The following PLXNC1 variants were observed in gnomAD, a reference collection of about 807,000 sequenced individuals.
PLXNC1 encodes the protein plexin-C1.
PLXNC1 carries 75 observed loss-of-function variants against 178.2 expected under a neutral mutation model. The observed-to-expected ratio is 0.42, with a 90% CI of 0.35 to 0.51. The LOEUF (loss-of-function observed/expected upper bound fraction) is 0.51. PLXNC1 is among the 20% of genes least tolerant of loss of function. PLXNC1 has a pLI of 0.02. For missense variants in PLXNC1, 1,503 were observed against 1,984.4 expected, an observed-to-expected ratio of 0.76 and a Z score of 4.61; for synonymous variants, 790 against 779.9, an observed-to-expected ratio of 1.01 and a Z score of -0.22.
At chr12:94,164,861 G>T (rs1302035770) in intron 1 of PLXNC1, among the ~76,000 whole-genome samples, 1 of 152,184 alleles carries the variant, frequency 6.6e-6, no homozygotes, top group Non-Finnish European at 1.5e-5. Context: ...GCCGGCAAAC[G>T]TGTAGGCGTG....
intron 1 of PLXNC1, among the ~76,000 whole-genome samples, chr12:94,154,428 T>A (rs1481425564): frequency 6.6e-6 from 1 of 152,232 alleles, no homozygotes; most frequent in African/African-American, 2.4e-5. Flanking sequence ...CGGCATTTTC[T>A]ATGGGTCAAG....
chr12:94,187,787 T>G (rs1962573875), intron 4 of PLXNC1, among the ~76,000 whole-genome samples: 1 of 152,172 alleles, frequency 6.6e-6, no homozygotes, highest in South Asian at 2.1e-4. Flanking sequence ...ATTAACAAGC[T>G]CAGCTCTGGA....
intron 9 of PLXNC1, among the ~76,000 whole-genome samples, chr12:94,234,375 A>G (rs1964187195): frequency 6.6e-6 from 1 of 152,202 alleles, no homozygotes; most frequent in Non-Finnish European, 1.5e-5. Context: ...CCAATATCCT[A>G]TAATGACTTA....
At chr12:94,233,879 T>A (rs1019428960) in intron 9 of PLXNC1, among the ~76,000 whole-genome samples, 3 of 152,178 alleles carry the variant, frequency 2.0e-5, no homozygotes, top group African/African-American at 7.2e-5. Flanking sequence ...TTCTATCCTC[T>A]TCTCAGTCAT....
intron 9 of PLXNC1, among the ~76,000 whole-genome samples, chr12:94,233,819 C>T (rs796349013): frequency 2.0e-4 from 31 of 152,154 alleles, no homozygotes; most frequent in African/African-American, 7.5e-4. Flanking sequence ...TTCCCATTTC[C>T]ACGGCTGGTT....
At chr12:94,157,685 G>T (rs1269716415) in intron 1 of PLXNC1, among the ~76,000 whole-genome samples, 2 of 152,170 alleles carry the variant, frequency 1.3e-5, no homozygotes, top group African/African-American at 4.8e-5. Flanking sequence ...TTACTAGGGG[G>T]ATGTGGCCCT....
At chr12:94,232,328 A>T (rs1395164149) in intron 9 of PLXNC1, among the ~76,000 whole-genome samples, 1 of 152,174 alleles carries the variant, frequency 6.6e-6, no homozygotes, top group Non-Finnish European at 1.5e-5. Flanking sequence ...ACCTCAAGTG[A>T]TCTGCCTGCT....
chr12:94,263,484 C>G (rs529311879), intron 20 of PLXNC1, among the ~76,000 whole-genome samples: 1 of 152,214 alleles, frequency 6.6e-6, no homozygotes, highest in South Asian at 2.1e-4. Flanking sequence ...ACACAGCCCC[C>G]GAGAGCCCAC....
intron 2 of PLXNC1, among the ~76,000 whole-genome samples, chr12:94,179,619 T>C (rs1471993562): frequency 6.6e-6 from 1 of 151,720 alleles, no homozygotes; most frequent in Non-Finnish European, 1.5e-5. Flanking sequence ...CGCATGTCTG[T>C]AGTCCCAGCT....
intron 1 of PLXNC1, among the ~76,000 whole-genome samples, chr12:94,160,166 A>G (rs1961325372): frequency 6.6e-6 from 1 of 152,220 alleles, no homozygotes; most frequent in African/African-American, 2.4e-5. Flanking sequence ...TGTTTGGGCT[A>G]TATGTGCACT....
intron 9 of PLXNC1, among the ~76,000 whole-genome samples, chr12:94,233,912 T>C (rs1160024588): frequency 6.6e-6 from 1 of 152,172 alleles, no homozygotes; most frequent in Non-Finnish European, 1.5e-5. Context: ...TAAATAATCC[T>C]GAACCGAATA....
chr12:94,298,876 G>A (rs1968191245), intron 27 of PLXNC1, 81 bp downstream of exon 27: 1 of 1,339,110 alleles, frequency 7.5e-7, no homozygotes, highest in South Asian at 1.3e-5. Context: ...GATAGTTATA[G>A]AAGGATTCAT....
At chr12:94,305,127 G>T in intron 30 of PLXNC1, 54 bp from the exon 31 acceptor site, 1 of 1,163,658 alleles carries the variant, frequency 8.6e-7, no homozygotes, top group South Asian at 1.3e-5. Context: ...GCAAAAAACA[G>T]AATTGTAACG....
chr12:94,169,862 C>T (rs3843642), intron 2 of PLXNC1, among the ~76,000 whole-genome samples: 125,650 of 152,150 alleles, frequency 0.83, 52,156 homozygotes, highest in East Asian at 0.95. Flanking sequence ...AGGACTATTT[C>T]TTCTCCACTG....
intron 9 of PLXNC1, among the ~76,000 whole-genome samples, chr12:94,233,683 A>G (rs1043184353): frequency 2.6e-5 from 4 of 152,156 alleles, no homozygotes; most frequent in Non-Finnish European, 4.4e-5. Context: ...GCCCCCGTGA[A>G]AAGGCATTTG....
Position 94,260,076 on chromosome 12 carries a change from G to A in PLXNC1, c.3251+342G>A, listed in dbSNP as rs559162230. The stretch of plus-strand genomic sequence containing the variant: ...ACCCCAACACAATTTTTTTGTTGTT[G>A]TTGTTGGAGTCTCACTCTGTGGCCC... On this transcript the variant is annotated intron_variant, in intron 19 of 30. Coordinates refer to ENST00000258526, the MANE Select transcript of PLXNC1 (RefSeq NM_005761.3). This position sits in a 1 kb window ranked among gnomAD's most constrained non-coding sequence, Gnocchi z 4.4. 6.6e-6 allele frequency among the ~76,000 whole-genome samples: 1 copy of A among 152,152 alleles called. No homozygotes were observed. The highest frequency in any genetic ancestry group is 1.9e-4 in the East Asian group (1 of 5,182).
chr12:94,258,084 G>A (rs1964904066), intron 17 of PLXNC1, among the ~76,000 whole-genome samples: 1 of 151,314 alleles, frequency 6.6e-6, no homozygotes, highest in Non-Finnish European at 1.5e-5. Context: ...CCGAGATCGC[G>A]CCACTGCACT....
intron 15 of PLXNC1, among the ~76,000 whole-genome samples, chr12:94,253,104 AG>A (rs1964742060): frequency 6.8e-6 from 1 of 147,858 alleles, no homozygotes; most frequent in Admixed American, 6.9e-5. Flanking sequence ...CCAGCTACTC[AG>A]GAGGCTGAGG....
At chr12:94,192,322 T>A (rs1449384088) in intron 4 of PLXNC1, among the ~76,000 whole-genome samples, 1 of 152,026 alleles carries the variant, frequency 6.6e-6, no homozygotes, top group Admixed American at 6.6e-5. Flanking sequence ...CAATCCTACA[T>A]CCAATCACAA....
Sources: allele counts gnomAD v4.1 joint callset (sites outside exome capture counted in the v4.1 genomes callset), GRCh38; gene constraint gnomAD v4.1.1; non-coding constraint Gnocchi (gnomAD v3.1); transcripts MANE v1.5; gene names NCBI Gene and HGNC (gene_info 2026-07-23, HGNC 2026-07-21).